The following WWOX variants were observed in gnomAD, a reference collection of about 807,000 sequenced individuals.
WWOX encodes WW domain-containing oxidoreductase.
WWOX carries 69 observed loss-of-function variants against 46.2 expected under a neutral mutation model. The ratio of observed to expected loss-of-function variants is 1.49; its 90% confidence interval spans 1.23 to 1.82. The LOEUF (loss-of-function observed/expected upper bound fraction) is 1.82, where lower values mean the gene tolerates loss of function less well. Among genes scored for constraint, WWOX ranks in the 40% most tolerant of loss-of-function variants. WWOX has a pLI of 0.00. For synonymous variants in WWOX, 359 were observed against 202.6 expected (o/e 1.77, Z -6.56); for missense variants, 919 against 542.6 (o/e 1.69, Z -6.89).
chr16:78,659,022 G>A, intron 8 of WWOX, among the ~76,000 whole-genome samples: 1 of 150,550 alleles, frequency 6.6e-6, no homozygotes, highest in Admixed American at 6.6e-5. Context: ...AACCTGGGAG[G>A]CAGAGGTTGC....
At chr16:79,138,300 T>A (rs1245239926) in intron 8 of WWOX, among the ~76,000 whole-genome samples, 1 of 152,220 alleles carries the variant, frequency 6.6e-6, no homozygotes, top group Admixed American at 6.5e-5. Context: ...ATGATCCTTT[T>A]GTGTGGAGAG....
At chr16:78,238,082 C>T (rs1362264743) in intron 5 of WWOX, 3 of 152,346 alleles carry the variant, frequency 2.0e-5, no homozygotes, top group Middle Eastern at 3.4e-3. Flanking sequence ...CACTTCCACA[C>T]CTTACCTCCT....
At chr16:79,129,857 G>C (rs2049839970) in intron 8 of WWOX, among the ~76,000 whole-genome samples, 1 of 152,194 alleles carries the variant, frequency 6.6e-6, no homozygotes, top group Non-Finnish European at 1.5e-5. Flanking sequence ...TTGGTGCTGA[G>C]CACACAGGCA....
intron 5 of WWOX, among the ~76,000 whole-genome samples, chr16:78,177,824 C>G (rs1044445051): frequency 4.6e-5 from 7 of 152,158 alleles, no homozygotes; most frequent in Admixed American, 3.9e-4. Context: ...GGCCTGTTGG[C>G]CATGGTCCTG....
At chr16:78,559,901 T>C (rs2044393264) in intron 8 of WWOX, among the ~76,000 whole-genome samples, 1 of 152,206 alleles carries the variant, frequency 6.6e-6, no homozygotes, top group African/African-American at 2.4e-5. Flanking sequence ...TGACTTGGCT[T>C]ACAATCCGTT....
At position 78,904,189 on chromosome 16, in the gene WWOX, T is replaced by A. The variant is rs114734494; in HGVS notation, c.1057-307419T>A. Among the ~76,000 whole-genome samples, 1,167 of 151,392 alleles carry A rather than the reference T, an allele frequency of 7.7e-3. 14 individuals carry two copies. The highest frequency in any genetic ancestry group is 0.026 in the African/African-American group (1,089 of 41,326). On this transcript the variant is annotated intron_variant, in intron 8 of 8. Coordinates refer to ENST00000566780, the MANE Select transcript of WWOX (RefSeq NM_016373.4). ...TTTTCTTTAAAGCAGAAGTTAGCAG[T>A]TACAGGTGCTTGTGATGTCATCACT...
intron 8 of WWOX, among the ~76,000 whole-genome samples, chr16:78,725,584 C>G (rs140808342): frequency 2.6e-5 from 4 of 151,566 alleles, no homozygotes; most frequent in African/African-American, 4.9e-5. Flanking sequence ...TGACCTCAGG[C>G]GATCTACCCG....
intron 8 of WWOX, among the ~76,000 whole-genome samples, chr16:78,935,899 G>A (rs891803026): frequency 6.6e-6 from 1 of 151,992 alleles, no homozygotes; most frequent in African/African-American, 2.4e-5. Context: ...GTGACAGAGT[G>A]AGACCCTGTC....
chr16:78,451,436 T>C (rs1356005922), intron 8 of WWOX, among the ~76,000 whole-genome samples: 2 of 152,172 alleles, frequency 1.3e-5, no homozygotes, highest in East Asian at 3.8e-4. Context: ...CATATTTGGC[T>C]GAGTTTGGTT....
chr16:78,720,021 G>A lies in WWOX; in HGVS notation c.1056+287269G>A, dbSNP rs1005821465. Among the ~76,000 whole-genome samples the A allele has an allele frequency of 6.6e-5, 10 of 152,162 alleles. No homozygotes were observed. The East Asian group carries it at 1.2e-3, about 18-fold the overall frequency. On this transcript the variant is annotated intron_variant, in intron 8 of 8. Transcript: ENST00000566780. ...GTTTAGATAATTTACATATAAAAGC[G>A]TTACTGTACATTTTATGAAATGACT...
At chr16:79,094,220 C>T (rs549078797) in intron 8 of WWOX, among the ~76,000 whole-genome samples, 14 of 151,556 alleles carry the variant, frequency 9.2e-5, no homozygotes, top group Non-Finnish European at 2.1e-4. Flanking sequence ...CCAGCGCTCT[C>T]GTCTGCATTT....
At chr16:78,524,816 A>AT (rs2043424351) in intron 8 of WWOX, among the ~76,000 whole-genome samples, 1 of 43,202 alleles carries the variant, frequency 2.3e-5, no homozygotes, top group Non-Finnish European at 5.1e-5. Flanking sequence ...TTGATTTTTT[A>AT]TGGGTTTTTT....
chr16:78,299,773 C>T (rs1175972435), intron 5 of WWOX, among the ~76,000 whole-genome samples: 3 of 152,138 alleles, frequency 2.0e-5, no homozygotes, highest in African/African-American at 7.2e-5. Context: ...AAGTGTTGTG[C>T]CCTGTTTGGC....
chr16:78,716,961 G>T (rs951744690), intron 8 of WWOX, among the ~76,000 whole-genome samples: 3 of 152,150 alleles, frequency 2.0e-5, no homozygotes, highest in Non-Finnish European at 4.4e-5. Flanking sequence ...CAGAGGATAA[G>T]GAATGTCTTG....
At chr16:78,545,218 C>T (rs533795355) in intron 8 of WWOX, among the ~76,000 whole-genome samples, 1 of 152,256 alleles carries the variant, frequency 6.6e-6, no homozygotes, top group Admixed American at 6.5e-5. Flanking sequence ...AGGGTCAAAA[C>T]TTTTGTTGGG....
chr16:78,202,645 G>T (rs924960275), intron 5 of WWOX, among the ~76,000 whole-genome samples: 1 of 152,090 alleles, frequency 6.6e-6, no homozygotes, highest in African/African-American at 2.4e-5. Flanking sequence ...AATTTCATTC[G>T]ACTGGAGTAC....
intron 6 of WWOX, among the ~76,000 whole-genome samples, chr16:78,405,968 A>T (rs974193321): frequency 6.6e-6 from 1 of 152,144 alleles, no homozygotes; most frequent in Non-Finnish European, 1.5e-5. Flanking sequence ...GAATTCTCTT[A>T]TGCACATATC....
chr16:79,039,523 G>T (rs868356767), intron 8 of WWOX, among the ~76,000 whole-genome samples: 1 of 152,178 alleles, frequency 6.6e-6, no homozygotes, highest in Admixed American at 6.5e-5. Flanking sequence ...TGGGTCCCAA[G>T]CAGAATCCTT....
intron 8 of WWOX, among the ~76,000 whole-genome samples, chr16:78,640,365 G>A (rs1179523252): frequency 1.3e-5 from 2 of 151,096 alleles, no homozygotes; most frequent in East Asian, 2.0e-4. Context: ...CACTCAAGTC[G>A]GCCGCTCTGA....
Sources: gnomAD v4.1 joint callset for allele counts (sites outside exome capture counted in the v4.1 genomes callset) on GRCh38, gnomAD v4.1.1 for gene constraint, MANE v1.5 for transcripts, NCBI Gene and HGNC (gene_info 2026-07-23, HGNC 2026-07-21) for gene names.